NCALD: variants seen among roughly 807,000 people sequenced by gnomAD.
NCALD encodes the protein neurocalcin-delta.
Under a neutral mutation model 18.6 loss-of-function variants are expected in NCALD, and 10 were observed. The ratio of observed to expected loss-of-function variants is 0.54; its 90% CI spans 0.33 to 0.91. The LOEUF (loss-of-function observed/expected upper bound fraction) is 0.91. NCALD is among the 40% of genes least tolerant of loss of function. The pLI, the probability that NCALD is intolerant of heterozygous loss-of-function variation, is 0.03. For synonymous variants in NCALD, 88 were observed against 87.4 expected (o/e 1.01, Z -0.04); for missense variants, 184 against 247.6 (o/e 0.74, Z 1.72).
intron 4 of NCALD, among the ~76,000 whole-genome samples, chr8:101,839,851 A>C: frequency 6.6e-6 from 1 of 152,028 alleles, no homozygotes; most frequent in Non-Finnish European, 1.5e-5. Context: ...TCTGGGAAGC[A>C]TGTGTTAGGT....
chr8:101,784,976 T>C (rs1199815065), intron 1 of NCALD, among the ~76,000 whole-genome samples: 1 of 152,160 alleles, frequency 6.6e-6, no homozygotes, highest in Non-Finnish European at 1.5e-5. Flanking sequence ...AACAAAACGA[T>C]GTTGAATGAA....
chr8:101,761,817 GT>G (rs1336346567), intron 1 of NCALD, among the ~76,000 whole-genome samples: 1 of 152,228 alleles, frequency 6.6e-6, no homozygotes, highest in Admixed American at 6.5e-5. Context: ...CCAATCAGTT[GT>G]GAGTAGAAGT....
At chr8:101,762,620 G>T (rs1811161492) in intron 1 of NCALD, among the ~76,000 whole-genome samples, 1 of 150,582 alleles carries the variant, frequency 6.6e-6, no homozygotes, top group African/African-American at 2.5e-5. Context: ...TGTCACCCAG[G>T]CTGGAGTACA....
At chr8:102,108,226 C>G (rs1286053490) in intron 1 of NCALD, among the ~76,000 whole-genome samples, 1 of 152,198 alleles carries the variant, frequency 6.6e-6, no homozygotes, top group Non-Finnish European at 1.5e-5. Context: ...TTACACAGCA[C>G]AGTTTGGCAT....
At chr8:101,799,009 GAC>G (rs1474917500) in intron 4 of NCALD, among the ~76,000 whole-genome samples, 1 of 152,164 alleles carries the variant, frequency 6.6e-6, no homozygotes, top group Non-Finnish European at 1.5e-5. Flanking sequence ...AAGATGAAAA[GAC>G]AAGCTACAGG....
chr8:101,779,711 GT>G (rs1436226022), intron 1 of NCALD, among the ~76,000 whole-genome samples: 2 of 151,990 alleles, frequency 1.3e-5, no homozygotes, highest in Non-Finnish European at 2.9e-5. Context: ...TTTGAATTCT[GT>G]TTTAAAACCC....
intron 3 of NCALD, among the ~76,000 whole-genome samples, chr8:101,896,608 C>T (rs1586715806): frequency 1.3e-5 from 2 of 151,922 alleles, no homozygotes; most frequent in South Asian, 4.2e-4. Flanking sequence ...ATTTTTGCAA[C>T]CTACTCACCT....
At chr8:101,701,016 T>C (rs1484095611) in intron 2 of NCALD, among the ~76,000 whole-genome samples, 3 of 152,120 alleles carry the variant, frequency 2.0e-5, no homozygotes, top group South Asian at 2.1e-4. Context: ...TAGTGGGTTA[T>C]TTACAAAGCC....
intron 2 of NCALD, among the ~76,000 whole-genome samples, chr8:101,695,980 TTTTC>T (rs1181684595): frequency 6.6e-6 from 1 of 152,186 alleles, no homozygotes; most frequent in African/African-American, 2.4e-5. Context: ...TAGTTTCCTC[TTTTC>T]TTTTTCTTCT....
At chr8:101,721,478 A>T (rs1816353306) in intron 1 of NCALD, 1 of 152,268 alleles carries the variant, frequency 6.6e-6, no homozygotes, top group South Asian at 2.1e-4. Context: ...GCTCACTGCC[A>T]GAAGCACGGG....
intron 2 of NCALD, among the ~76,000 whole-genome samples, chr8:101,994,503 C>A (rs1320385835): frequency 6.6e-6 from 1 of 152,202 alleles, no homozygotes; most frequent in African/African-American, 2.4e-5. Flanking sequence ...TAAACCCCAG[C>A]CCACAGGTCA....
chr8:101,984,239 TACC>T (rs1820723703), intron 2 of NCALD, among the ~76,000 whole-genome samples: 1 of 152,208 alleles, frequency 6.6e-6, no homozygotes, highest in African/African-American at 2.4e-5. Flanking sequence ...AAATATTATA[TACC>T]ACAATTCCAG....
chr8:101,899,274 A>G (rs1817328159), intron 3 of NCALD, among the ~76,000 whole-genome samples: 2 of 151,952 alleles, frequency 1.3e-5, no homozygotes, highest in South Asian at 4.1e-4. Context: ...TATTAGTTCT[A>G]AGAGGTTTTT....
chr8:102,105,950 T>A (rs1825432119), intron 1 of NCALD, among the ~76,000 whole-genome samples: 1 of 152,154 alleles, frequency 6.6e-6, no homozygotes, highest in Admixed American at 6.6e-5. Flanking sequence ...GAACAGTGTC[T>A]GGCACATAGT....
At chr8:101,927,044 T>C (rs1046423310) in intron 2 of NCALD, among the ~76,000 whole-genome samples, 16 of 152,154 alleles carry the variant, frequency 1.1e-4, no homozygotes, top group African/African-American at 3.9e-4. Context: ...CGTGGCTTCC[T>C]CCTTCACTCT....
intron 3 of NCALD, among the ~76,000 whole-genome samples, chr8:101,887,946 G>A (rs1816732157): frequency 6.6e-6 from 1 of 152,124 alleles, no homozygotes; most frequent in Admixed American, 6.6e-5. Context: ...TCACCCTCAG[G>A]CTGCTCCCCT....
At chr8:101,976,094 T>A (rs1307642895) in intron 2 of NCALD, among the ~76,000 whole-genome samples, 1 of 152,178 alleles carries the variant, frequency 6.6e-6, no homozygotes, top group Non-Finnish European at 1.5e-5. Flanking sequence ...AGTGGCCAAC[T>A]CTTTACAGCT....
intron 2 of NCALD, among the ~76,000 whole-genome samples, chr8:101,712,702 A>C (rs926326045): frequency 5.9e-5 from 9 of 152,186 alleles, no homozygotes; most frequent in Non-Finnish European, 1.2e-4. Context: ...ATAATGGTAA[A>C]GGGATCAATG....
chr8:102,046,713 A>G (rs920481468), intron 1 of NCALD, among the ~76,000 whole-genome samples: 2 of 151,822 alleles, frequency 1.3e-5, no homozygotes, highest in Non-Finnish European at 2.9e-5. Context: ...CATCCATCTC[A>G]AGCAATCTGC....
Sources: gnomAD v4.1 joint callset for allele counts (sites outside exome capture counted in the v4.1 genomes callset) on GRCh38, gnomAD v4.1.1 for gene constraint, MANE v1.5 for transcripts, NCBI Gene and HGNC (gene_info 2026-07-23, HGNC 2026-07-21) for gene names.